Variants in SCYL2 observed in about 807,000 individuals in gnomAD.
SCYL2 encodes SCY1-like protein 2.
In SCYL2, 36 loss-of-function variants were observed where a neutral mutation model predicts 100.4. That is an observed-to-expected ratio of 0.36 (90% confidence interval 0.27 to 0.47). SCYL2 has a LOEUF of 0.47. Ranked by LOEUF, SCYL2 falls within the 20% of genes least tolerant of loss-of-function variation. The pLI, the probability that SCYL2 is intolerant of heterozygous loss-of-function variation, is 1.00. For synonymous variants in SCYL2, 330 were observed against 359.2 expected (o/e 0.92, Z 0.92); for missense variants, 902 against 1,083.9 (o/e 0.83, Z 2.36).
intron 3 of SCYL2, among the ~76,000 whole-genome samples, chr12:100,295,454 G>A (rs898147957): frequency 1.3e-5 from 2 of 152,188 alleles, no homozygotes; most frequent in Non-Finnish European, 2.9e-5. Context: ...CCGGCACCTC[G>A]GGAGGCCGAG....
At chr12:100,316,842 T>G (rs1468464462) in intron 9 of SCYL2, among the ~76,000 whole-genome samples, 3 of 152,204 alleles carry the variant, frequency 2.0e-5, no homozygotes, top group Non-Finnish European at 2.9e-5. Context: ...TGGCTCACGC[T>G]TGTAATCCCA....
At chr12:100,330,386 T>G (rs554303732) in intron 13 of SCYL2, among the ~76,000 whole-genome samples, 18 of 152,316 alleles carry the variant, frequency 1.2e-4, no homozygotes, top group African/African-American at 4.3e-4. Flanking sequence ...GCTGTGTTCT[T>G]ATGTGACTGA....
chr12:100,312,673 T>G lies in SCYL2; in HGVS notation c.852+20T>G, dbSNP rs1199559606. On this transcript the variant is annotated intron_variant, in intron 6 of 17. Coordinates refer to ENST00000360820, the MANE Select transcript of SCYL2 (RefSeq NM_017988.6). The stretch of plus-strand genomic sequence containing the variant: ...GATCAGGTATTTGCCTATAAATAAT[T>G]TGCTTGCATTAAAAAATTTATTAAA... 1.9e-6 allele frequency: 3 copies of G among 1,555,626 alleles called. No homozygotes were observed. Among genetic ancestry groups the G allele is most frequent in the Non-Finnish European group, 2.6e-6 (3 of 1,143,842 alleles).
In SCYL2 at chr12:100,279,692, A is replaced by G. The variant is rs562086311; in HGVS notation, c.-28-3251A>G. 2.5e-4 allele frequency among the ~76,000 whole-genome samples: 38 copies of G among 152,322 alleles called. 1 individual carries two copies. The South Asian group carries it at 3.9e-3, about 16-fold the overall frequency. ...GGGTGGCTTACCCCACTATTAAGGCATGGTTCTTACAGGTTTCTGCTGATT... is the reference window on the plus strand; with the variant it reads ...GGGTGGCTTACCCCACTATTAAGGCGTGGTTCTTACAGGTTTCTGCTGATT... On this transcript the variant is annotated intron_variant, in intron 1 of 17. Transcript: ENST00000360820.
At chr12:100,277,587 GT>G (rs903339601) in intron 1 of SCYL2, among the ~76,000 whole-genome samples, 7 of 151,992 alleles carry the variant, frequency 4.6e-5, no homozygotes, top group Non-Finnish European at 7.4e-5. Flanking sequence ...TTTTACCTGT[GT>G]TTTTATACTT....
intron 4 of SCYL2, among the ~76,000 whole-genome samples, chr12:100,302,555 C>A (rs903837897): frequency 1.3e-5 from 2 of 152,172 alleles, no homozygotes; most frequent in East Asian, 3.9e-4. Flanking sequence ...GTTGAAAATT[C>A]TTTTCTTTAA....
intron 4 of SCYL2, 91 bp downstream of exon 4, chr12:100,298,266 T>C (rs1264916683): frequency 1.2e-5 from 11 of 952,004 alleles, no homozygotes; most frequent in Non-Finnish European, 1.6e-5. Context: ...AAAACTATTT[T>C]AGGTAAACTT....
intron 10 of SCYL2, among the ~76,000 whole-genome samples, chr12:100,319,554 T>G (rs2096353249): frequency 6.6e-6 from 1 of 152,184 alleles, no homozygotes; most frequent in Non-Finnish European, 1.5e-5. Flanking sequence ...TTTCTTCCTT[T>G]GTTTTTCCAG....
chr12:100,282,698 A>C (rs1205680890), intron 1 of SCYL2, among the ~76,000 whole-genome samples: 2 of 152,160 alleles, frequency 1.3e-5, no homozygotes, highest in African/African-American at 2.4e-5. Flanking sequence ...GTCATTGTCA[A>C]GTGTGAGTAT....
chr12:100,330,578 A>G (rs1952196715), intron 13 of SCYL2, among the ~76,000 whole-genome samples: 1 of 152,152 alleles, frequency 6.6e-6, no homozygotes, highest in Admixed American at 6.5e-5. Context: ...TATAATGGAA[A>G]AGACTGAGTT....
rs1431667479 is a variant in SCYL2, at chr12:100,267,277, A to G, written c.-544A>G. 1.9e-5 allele frequency: 11 copies of G among 587,276 alleles called. No individual in the cohort carries two copies. The highest frequency in any genetic ancestry group is 1.5e-4 in the South Asian group (7 of 45,698). 36.4% of individuals were successfully genotyped at this position (587,276 alleles called of 1,614,324 possible). A position where few individuals can be genotyped will look rare whatever the true frequency, so the allele number is the denominator to read the frequency against. On this transcript the variant is annotated 5_prime_UTR_variant, in exon 1 of 18. The change creates a new upstream start codon in the 5' untranslated region. Transcript: ENST00000360820. ...TGCGGCCGCGGGGGCGGCGGAGGAT[A>G]TGGAGTAAAGCCAGAGTCAGTGGCC...
chr12:100,332,245 A>G lies in SCYL2; in HGVS notation c.1762-1921A>G, dbSNP rs189950817. On this transcript the variant is annotated intron_variant, in intron 13 of 17. Coordinates refer to ENST00000360820, the MANE Select transcript of SCYL2 (RefSeq NM_017988.6). ...CAGAGTTTTCAATGAGGTCTGATCA[A>G]GTAACACCCTCTGCCTGGCATGTAC... Among the ~76,000 whole-genome samples the G allele has an allele frequency of 7.1e-4, 108 of 152,326 alleles. 1 individual carries two copies. The highest frequency in any genetic ancestry group is 5.9e-3 in the Admixed American group (90 of 15,310).
intron 11 of SCYL2, among the ~76,000 whole-genome samples, chr12:100,325,464 T>A (rs2096360664): frequency 6.6e-6 from 1 of 152,196 alleles, no homozygotes; most frequent in Non-Finnish European, 1.5e-5. Context: ...TTAAGTGGAT[T>A]TTAGATAGTA....
intron 10 of SCYL2, among the ~76,000 whole-genome samples, chr12:100,322,347 TG>T (rs1331536433): frequency 8.6e-6 from 1 of 116,568 alleles, no homozygotes; most frequent in African/African-American, 3.4e-5. Context: ...CACTCCAGCC[TG>T]GGCGACAGAG....
rs572930214 is a variant in SCYL2 at position 100,334,892 on chromosome 12, C to G, written c.1862+626C>G. On this transcript the variant is annotated intron_variant, in intron 14 of 17. Transcript: ENST00000360820. ...CTAGGATACCTATTAAAGTTTGATC[C>G]TGAACCAAAAAACATCTAAAAATCA... Among the ~76,000 whole-genome samples, 4 of 151,856 alleles carry G rather than the reference C, an allele frequency of 2.6e-5. No homozygotes were observed. The South Asian group carries it at 8.3e-4, about 32-fold the overall frequency.
intron 1 of SCYL2, among the ~76,000 whole-genome samples, chr12:100,280,397 T>TA (rs768809187): frequency 4.6e-5 from 7 of 152,216 alleles, no homozygotes; most frequent in Non-Finnish European, 5.9e-5. Context: ...ATAATACCTC[T>TA]AATTCTCTTT....
intron 1 of SCYL2, among the ~76,000 whole-genome samples, chr12:100,271,895 A>G (rs1324762126): frequency 6.6e-6 from 1 of 152,204 alleles, no homozygotes; most frequent in Non-Finnish European, 1.5e-5. Context: ...ATATAATTTT[A>G]CCTGTTACAT....
At chr12:100,336,001 T>C in intron 16 of SCYL2, 95 bp downstream of exon 16, 1 of 850,182 alleles carries the variant, frequency 1.2e-6, no homozygotes, top group Non-Finnish European at 1.9e-6. Context: ...GTTCAGCAGC[T>C]TAACAAGAAA....
intron 9 of SCYL2, among the ~76,000 whole-genome samples, chr12:100,316,112 ATTT>A (rs1308545979): frequency 1.3e-5 from 2 of 152,166 alleles, no homozygotes; most frequent in African/African-American, 4.8e-5. Flanking sequence ...TTATTTTGTT[ATTT>A]AAGTCTTTAA....
Sources: allele counts gnomAD v4.1 joint callset (sites outside exome capture counted in the v4.1 genomes callset), GRCh38; gene constraint gnomAD v4.1.1; transcripts MANE v1.5; gene names NCBI Gene and HGNC (gene_info 2026-07-23, HGNC 2026-07-21).